The following PHACTR1 variants were observed in gnomAD, a reference collection of about 807,000 sequenced individuals.
The protein encoded by PHACTR1 is RPEL repeat containing 1.
A neutral mutation model predicts 69.2 loss-of-function variants in PHACTR1; 16 were observed. The ratio of observed to expected loss-of-function variants is 0.23; its 90% CI spans 0.16 to 0.35. The LOEUF is 0.35. Ranked by LOEUF, PHACTR1 falls within the 10% of genes least tolerant of loss-of-function variation. The pLI is 1.00. For missense variants in PHACTR1, 510 were observed against 734.7 expected (o/e 0.69, Z 3.54); for synonymous variants, 312 against 284.5 (o/e 1.10, Z -0.97).
chr6:12,971,282 G>T (rs1794163490), intron 4 of PHACTR1, among the ~76,000 whole-genome samples: 1 of 152,132 alleles, frequency 6.6e-6, no homozygotes, highest in Non-Finnish European at 1.5e-5. Context: ...TGGCCTCTTT[G>T]CACCATCTTT....
chr6:12,737,978 C>T (rs2127581138), intron 3 of PHACTR1, among the ~76,000 whole-genome samples: 1 of 152,248 alleles, frequency 6.6e-6, no homozygotes, highest in Admixed American at 6.5e-5. Flanking sequence ...TAATCTGCTC[C>T]TTGTATTTCA....
intron 4 of PHACTR1, among the ~76,000 whole-genome samples, chr6:12,797,374 A>G (rs1773158658): frequency 2.0e-5 from 3 of 152,168 alleles, no homozygotes; most frequent in Admixed American, 2.0e-4. Flanking sequence ...CAATCTGGTC[A>G]TCAGTACATT....
chr6:12,933,324 T>A (rs1044173823), intron 4 of PHACTR1, among the ~76,000 whole-genome samples: 2 of 152,168 alleles, frequency 1.3e-5, no homozygotes, highest in Non-Finnish European at 2.9e-5. Flanking sequence ...GCTTTAAATG[T>A]CCTACAAATA....
At chr6:13,065,643 T>C (rs938145289) in intron 5 of PHACTR1, among the ~76,000 whole-genome samples, 2 of 151,966 alleles carry the variant, frequency 1.3e-5, no homozygotes, top group Non-Finnish European at 2.9e-5. Flanking sequence ...GGATGTGAGC[T>C]TGAGGGGGAT....
intron 7 of PHACTR1, among the ~76,000 whole-genome samples, chr6:13,192,637 C>T (rs7740071): frequency 0.02 from 3,041 of 152,268 alleles, 102 homozygotes; most frequent in African/African-American, 0.068. Context: ...TAATGCTGTT[C>T]GATGGATTTA....
intron 4 of PHACTR1, among the ~76,000 whole-genome samples, chr6:12,939,792 A>G (rs1334136861): frequency 1.3e-5 from 2 of 152,024 alleles, no homozygotes; most frequent in African/African-American, 4.8e-5. Flanking sequence ...CCAGAACTTT[A>G]CCTCCAATGC....
At chr6:13,174,262 G>T (rs552459621) in intron 6 of PHACTR1, among the ~76,000 whole-genome samples, 1 of 152,298 alleles carries the variant, frequency 6.6e-6, no homozygotes, top group South Asian at 2.1e-4. Context: ...AAGGCAATTA[G>T]CAAATGCTTG....
At chr6:12,903,186 T>C (rs1334832483) in intron 4 of PHACTR1, among the ~76,000 whole-genome samples, 1 of 152,056 alleles carries the variant, frequency 6.6e-6, no homozygotes, top group Non-Finnish European at 1.5e-5. Flanking sequence ...GTTTCCTTAT[T>C]TATAAGGTGG....
intron 4 of PHACTR1, among the ~76,000 whole-genome samples, chr6:12,995,362 T>C (rs990072233): frequency 2.7e-5 from 4 of 150,496 alleles, no homozygotes; most frequent in Admixed American, 6.6e-5. Flanking sequence ...ACCAAAATAA[T>C]ATGAAACAAA....
chr6:12,850,441 C>A (rs1023976291), intron 4 of PHACTR1, among the ~76,000 whole-genome samples: 2 of 152,240 alleles, frequency 1.3e-5, no homozygotes, highest in Non-Finnish European at 2.9e-5. Context: ...GCCATCCCTT[C>A]TGTATGGCAT....
intron 5 of PHACTR1, among the ~76,000 whole-genome samples, chr6:13,071,024 G>A (rs1809436069): frequency 6.6e-6 from 1 of 152,038 alleles, no homozygotes; most frequent in Non-Finnish European, 1.5e-5. Flanking sequence ...AAATAGTTCT[G>A]GAAGGTCATG....
chr6:12,984,788 A>C (rs58642921), intron 4 of PHACTR1, among the ~76,000 whole-genome samples: 1 of 151,690 alleles, frequency 6.6e-6, no homozygotes, highest in Non-Finnish European at 1.5e-5. Context: ...TCATAAGGAA[A>C]AAGCAAACCG....
chr6:13,135,507 C>T (rs1821410150), intron 5 of PHACTR1, among the ~76,000 whole-genome samples: 2 of 152,174 alleles, frequency 1.3e-5, no homozygotes, highest in African/African-American at 4.8e-5. Context: ...ATTATTACAG[C>T]GATTTATTAC....
intron 8 of PHACTR1, among the ~76,000 whole-genome samples, chr6:13,215,123 T>C (rs548131594): frequency 6.6e-6 from 1 of 152,348 alleles, no homozygotes; most frequent in African/African-American, 2.4e-5. Flanking sequence ...GAAAGGATGG[T>C]ACCTGTGTTT....
intron 4 of PHACTR1, among the ~76,000 whole-genome samples, chr6:12,830,416 T>G (rs779121622): frequency 3.3e-5 from 5 of 152,016 alleles, no homozygotes; most frequent in Non-Finnish European, 5.9e-5. Context: ...TCCACATATT[T>G]AAGCTCACCT....
chr6:12,740,124 A>G (rs1381266235), intron 3 of PHACTR1, among the ~76,000 whole-genome samples: 8 of 152,090 alleles, frequency 5.3e-5, no homozygotes, highest in African/African-American at 1.9e-4. Context: ...GTTCGACATC[A>G]TATCTAAGAG....
intron 5 of PHACTR1, among the ~76,000 whole-genome samples, chr6:13,087,201 T>A (rs1168446721): frequency 1.5e-5 from 2 of 135,670 alleles, no homozygotes; most frequent in African/African-American, 7.0e-5. Context: ...TTTAGATATC[T>A]AATATATATA....
At chr6:13,116,615 G>T (rs1435369939) in intron 5 of PHACTR1, among the ~76,000 whole-genome samples, 1 of 152,160 alleles carries the variant, frequency 6.6e-6, no homozygotes, top group African/African-American at 2.4e-5. Context: ...TTATTTCCAG[G>T]TAATGGATAC....
At chr6:12,798,687 G>T (rs182546293) in intron 4 of PHACTR1, among the ~76,000 whole-genome samples, 1 of 152,166 alleles carries the variant, frequency 6.6e-6, no homozygotes, top group Non-Finnish European at 1.5e-5. Flanking sequence ...TTGGATGGTC[G>T]CTGAAGAGGT....
Sources: allele counts gnomAD v4.1 joint callset (sites outside exome capture counted in the v4.1 genomes callset), GRCh38; gene constraint gnomAD v4.1.1; transcripts MANE v1.5; gene names NCBI Gene and HGNC (gene_info 2026-07-23, HGNC 2026-07-21).